Variants in C18orf63 observed in about 807,000 individuals in gnomAD.
C18orf63 encodes chromosome 18 open reading frame 63.
C18orf63 carries 50 observed loss-of-function variants against 75.3 expected under a neutral mutation model. That is an observed-to-expected ratio of 0.66 (90% CI 0.53 to 0.84). The LOEUF (loss-of-function observed/expected upper bound fraction) is 0.84. Ranked by LOEUF, C18orf63 falls within the 40% of genes least tolerant of loss-of-function variation. C18orf63 has a pLI of 0.00. For synonymous variants in C18orf63, 232 were observed against 267.6 expected, an observed-to-expected ratio of 0.87 and a Z score of 1.30; for missense variants, 732 against 800.2, an observed-to-expected ratio of 0.91 and a Z score of 1.03.
intron 1 of C18orf63, among the ~76,000 whole-genome samples, chr18:74,316,998 C>G (rs949413884): frequency 2.0e-5 from 3 of 152,208 alleles, no homozygotes; most frequent in African/African-American, 7.2e-5. Flanking sequence ...TACTGTATTA[C>G]ATTCCTGCTG....
intron 4 of C18orf63, among the ~76,000 whole-genome samples, chr18:74,323,102 G>C (rs1405857735): frequency 3.9e-5 from 6 of 152,312 alleles, no homozygotes; most frequent in African/African-American, 1.4e-4. Context: ...AAATACTATA[G>C]ATTGTATTCT....
chr18:74,345,634 C>A (rs1033834811), intron 11 of C18orf63, among the ~76,000 whole-genome samples: 7 of 151,966 alleles, frequency 4.6e-5, no homozygotes, highest in Non-Finnish European at 1.0e-4. Context: ...AATTCTTACC[C>A]CAGTACTTTT....
At position 74,342,263 on chromosome 18, in the gene C18orf63, A is replaced by T. The variant is rs1281388327; in HGVS notation, c.731A>T (p.Asp244Val). ...DALYGYKLPGDCGKIKIYCNI... is the reference protein window; with the variant it reads ...DALYGYKLPGVCGKIKIYCNI... ...TAGTATGGCTATAAACTTCCAGGTGATTGTGGAAAAATTAAAATATACTGC... is the reference window on the plus strand; with the variant it reads ...TAGTATGGCTATAAACTTCCAGGTGTTTGTGGAAAAATTAAAATATACTGC... Residue 244 changes from aspartate to valine, a missense_variant, in exon 10 of 14, where the codon GAT becomes GTT. Around this residue, in one of 3 missense-constraint regions of C18orf63, gnomAD observed 495 missense variants for 508.7 expected, o/e 0.97. Coordinates refer to ENST00000579455, the MANE Select transcript of C18orf63 (RefSeq NM_001174123.2). 6.5e-7 allele frequency: 1 copy of T among 1,532,482 alleles called. No homozygotes were observed. The highest frequency in any genetic ancestry group is 2.0e-5 in the Admixed American group (1 of 50,994). The allele number at this position is 1,532,482 out of a possible 1,614,324, so 94.9% of individuals were successfully genotyped here.
At chr18:74,337,033 T>C (rs915244873) in intron 7 of C18orf63, among the ~76,000 whole-genome samples, 2 of 152,098 alleles carry the variant, frequency 1.3e-5, no homozygotes, top group South Asian at 4.1e-4. Flanking sequence ...TTCAAGTTTA[T>C]TATCTAATTT....
intron 4 of C18orf63, among the ~76,000 whole-genome samples, chr18:74,326,213 G>A (rs1984204858): frequency 6.6e-6 from 1 of 152,164 alleles, no homozygotes; most frequent in South Asian, 2.1e-4. Flanking sequence ...TCTGCCAATA[G>A]ATTATTCAGT....
intron 7 of C18orf63, 149 bp from the exon 8 acceptor site, chr18:74,338,566 G>A (rs1568237758): frequency 2.5e-6 from 1 of 394,542 alleles, no homozygotes. Context: ...GACTACTTAT[G>A]TAAAGTGGTT....
Position 74,315,937 on chromosome 18 carries a change from A to T in C18orf63, c.-205A>T, listed in dbSNP as rs1984011840. On this transcript the variant is annotated 5_prime_UTR_variant, in exon 1 of 14. Transcript: ENST00000579455. ...CGCGGGCTCTCAATCGACGCCCCACAGAGACCAAGAGGCCTGGCCTTGGGG... is the reference window on the plus strand; with the variant it reads ...CGCGGGCTCTCAATCGACGCCCCACTGAGACCAAGAGGCCTGGCCTTGGGG... 1 of 152,282 alleles carries T rather than the reference A, an allele frequency of 6.6e-6. No homozygotes were observed. Among genetic ancestry groups the T allele is most frequent in the Admixed American group, 6.5e-5 (1 of 15,282 alleles). 9.4% of individuals were successfully genotyped at this position (152,282 alleles called of 1,614,324 possible).
intron 1 of C18orf63, among the ~76,000 whole-genome samples, chr18:74,316,565 A>G (rs994785727): frequency 1.3e-5 from 2 of 152,172 alleles, no homozygotes; most frequent in Non-Finnish European, 2.9e-5. Context: ...GGGTTCTCTG[A>G]GTCCTCCCTC....
intron 2 of C18orf63, among the ~76,000 whole-genome samples, 159 bp downstream of exon 2, chr18:74,318,158 G>T (rs1180092250): frequency 6.6e-6 from 1 of 152,098 alleles, no homozygotes; most frequent in Non-Finnish European, 1.5e-5. Flanking sequence ...AGGTATATTG[G>T]ATTATATTTA....
At chr18:74,343,744 A>T (rs1984526816) in intron 11 of C18orf63, 42 bp downstream of exon 11, 2 of 1,266,520 alleles carry the variant, frequency 1.6e-6, no homozygotes, top group Non-Finnish European at 2.1e-6. Context: ...AAGACATACT[A>T]TCCATCTATT....
intron 11 of C18orf63, among the ~76,000 whole-genome samples, chr18:74,344,841 T>C (rs952604738): frequency 6.6e-6 from 1 of 152,152 alleles, no homozygotes; most frequent in Non-Finnish European, 1.5e-5. Flanking sequence ...ATTTGGATTG[T>C]TTCTCTTTGG....
At chr18:74,347,549 T>C (rs1599008822) in intron 11 of C18orf63, among the ~76,000 whole-genome samples, 1 of 152,302 alleles carries the variant, frequency 6.6e-6, no homozygotes, top group Admixed American at 6.5e-5. Flanking sequence ...GTCCTTCCTT[T>C]GAAGGGGGTC....
intron 5 of C18orf63, among the ~76,000 whole-genome samples, chr18:74,328,635 G>A (rs939696328): frequency 2.6e-5 from 4 of 152,112 alleles, no homozygotes; most frequent in African/African-American, 9.7e-5. Context: ...AAATCAGTAT[G>A]TAATACTTGA....
intron 2 of C18orf63, among the ~76,000 whole-genome samples, chr18:74,318,627 AAAAAT>A (rs1406087821): frequency 1.3e-5 from 2 of 152,096 alleles, no homozygotes; most frequent in Admixed American, 1.3e-4. Flanking sequence ...CATCTCTACT[AAAAAT>A]AAAACAAATT....
chr18:74,336,086 T>A (rs544431976), intron 7 of C18orf63, among the ~76,000 whole-genome samples: 1 of 152,202 alleles, frequency 6.6e-6, no homozygotes, highest in South Asian at 2.1e-4. Context: ...AAATGATAGC[T>A]ATTGTTATTA....
chr18:74,347,612 C>T (rs1380424124), intron 11 of C18orf63, among the ~76,000 whole-genome samples: 2 of 152,152 alleles, frequency 1.3e-5, no homozygotes, highest in East Asian at 1.9e-4. Context: ...AATGAGATAA[C>T]ACATAGAAAA....
At chr18:74,345,596 A>G (rs1019110547) in intron 11 of C18orf63, among the ~76,000 whole-genome samples, 9 of 152,220 alleles carry the variant, frequency 5.9e-5, no homozygotes, top group African/African-American at 2.2e-4. Context: ...ATGGATATCC[A>G]TATGTCCAAG....
In C18orf63 at chr18:74,356,917, A is replaced by G. The variant is rs1984776325; in HGVS notation, c.*470A>G. On this transcript the variant is annotated 3_prime_UTR_variant, in exon 14 of 14. Coordinates refer to ENST00000579455, the MANE Select transcript of C18orf63 (RefSeq NM_001174123.2). Reference sequence around the variant, plus strand: ...CCTCACAGACATGCTTTTTTTTGCTATAATCTTTTAAAGCAAATTCAAGAC... The same window carrying G: ...CCTCACAGACATGCTTTTTTTTGCTGTAATCTTTTAAAGCAAATTCAAGAC... 1 of 151,998 alleles carries G rather than the reference A, an allele frequency of 6.6e-6. No individual in the cohort carries two copies. Among genetic ancestry groups the G allele is most frequent in the South Asian group, 2.1e-4 (1 of 4,816 alleles). 9.4% of individuals were successfully genotyped at this position (151,998 alleles called of 1,614,324 possible).
intron 3 of C18orf63, among the ~76,000 whole-genome samples, 194 bp from the exon 4 acceptor site, chr18:74,322,504 C>T (rs949059281): frequency 2.6e-5 from 4 of 152,138 alleles, no homozygotes; most frequent in African/African-American, 9.7e-5. Flanking sequence ...AGGCTTTCCT[C>T]ACTTTGAAAA....
Sources: gnomAD v4.1 joint callset for allele counts (sites outside exome capture counted in the v4.1 genomes callset) on GRCh38, gnomAD v4.1.1 for gene constraint, gnomAD v4.1.1 regional missense constraint, MANE v1.5 for transcripts, NCBI Gene and HGNC (gene_info 2026-07-23, HGNC 2026-07-21) for gene names.